Variants in KLHL29 observed in about 807,000 individuals in gnomAD.
KLHL29 encodes kelch-like protein 29.
In KLHL29, 21 loss-of-function variants were observed where a neutral mutation model predicts 80.4. The observed-to-expected ratio is 0.26, with a 90% CI of 0.19 to 0.38. The LOEUF (loss-of-function observed/expected upper bound fraction) is 0.38, where lower values mean the gene tolerates loss of function less well. Among genes scored for constraint, KLHL29 ranks in the 10% least tolerant of loss-of-function variants. The pLI, the probability that KLHL29 is intolerant of heterozygous loss-of-function variation, is 1.00. For missense variants in KLHL29, 867 were observed against 1,223.9 expected (o/e 0.71, Z 4.35); for synonymous variants, 511 against 526.8 (o/e 0.97, Z 0.41).
intron 1 of KLHL29, among the ~76,000 whole-genome samples, chr2:23,471,392 G>A (rs368202954): frequency 6.6e-6 from 1 of 152,200 alleles, no homozygotes; most frequent in South Asian, 2.1e-4. Flanking sequence ...CATCAGTTTG[G>A]TTCATGTTAG....
chr2:23,492,821 C>T (rs1248357585), intron 2 of KLHL29, among the ~76,000 whole-genome samples: 1 of 152,170 alleles, frequency 6.6e-6, no homozygotes, highest in Non-Finnish European at 1.5e-5. Context: ...CCCGAACCTC[C>T]TCTTTTTTTT....
rs550576439 is a variant in KLHL29, at chr2:23,385,448, AGCC to A, written c.-467_-465del. 51 of 161,324 alleles carry A rather than the reference AGCC, an allele frequency of 3.2e-4. No individual in the cohort carries two copies. Among genetic ancestry groups the A allele is most frequent in the Middle Eastern group, 3.4e-3 (1 of 298 alleles). 10.0% of individuals were successfully genotyped at this position (161,324 alleles called of 1,614,324 possible). On this transcript the variant is annotated 5_prime_UTR_variant, in exon 1 of 14. Coordinates refer to ENST00000486442, the MANE Select transcript of KLHL29 (RefSeq NM_052920.2). ...GAGAGGGCGGGGGCGATGCTGCCGG[AGCC>A]GCCGCCGCCGCCGCCGCCTCGATGA...
intron 2 of KLHL29, among the ~76,000 whole-genome samples, chr2:23,502,813 C>T (rs960756706): frequency 4.6e-5 from 7 of 152,146 alleles, no homozygotes; most frequent in Non-Finnish European, 7.3e-5. Context: ...TCTCCAAGCA[C>T]CACGGACACT....
chr2:23,420,075 G>A (rs538939777), intron 1 of KLHL29, among the ~76,000 whole-genome samples: 16 of 152,284 alleles, frequency 1.1e-4, no homozygotes, highest in African/African-American at 3.1e-4. Context: ...TTGTGTGGCC[G>A]GCACGGGGGG....
intron 8 of KLHL29, among the ~76,000 whole-genome samples, chr2:23,694,154 G>A (rs1203684375): frequency 6.6e-6 from 1 of 152,210 alleles, no homozygotes; most frequent in Non-Finnish European, 1.5e-5. Context: ...TCTGCTCAGT[G>A]GCCTTCTGGG....
chr2:23,674,196 C>G (rs528209612), intron 5 of KLHL29, among the ~76,000 whole-genome samples: 1 of 152,340 alleles, frequency 6.6e-6, no homozygotes, highest in East Asian at 1.9e-4. Context: ...TGTGAGCTCC[C>G]CAGCTCTGCA....
chr2:23,613,785 A>AAAAAAAAAC (rs1558408724), intron 3 of KLHL29, among the ~76,000 whole-genome samples: 29 of 146,578 alleles, frequency 2.0e-4, no homozygotes, highest in African/African-American at 7.2e-4. Context: ...AAAAAAAAAA[A>AAAAAAAAAC]AAAAACCCAC....
At chr2:23,472,506 T>C (rs1220282350) in intron 1 of KLHL29, among the ~76,000 whole-genome samples, 3 of 152,212 alleles carry the variant, frequency 2.0e-5, no homozygotes, top group African/African-American at 7.2e-5. Context: ...TGGCGGCGTG[T>C]GCCTGTAGTC....
chr2:23,469,360 G>T (rs1408683007), intron 1 of KLHL29, among the ~76,000 whole-genome samples: 1 of 152,216 alleles, frequency 6.6e-6, no homozygotes, highest in Non-Finnish European at 1.5e-5. Context: ...CAGCTGGCCT[G>T]CCCGTCAGGG....
intron 3 of KLHL29, among the ~76,000 whole-genome samples, chr2:23,578,992 C>A (rs923543875): frequency 2.0e-5 from 3 of 152,254 alleles, no homozygotes; most frequent in Non-Finnish European, 4.4e-5. Flanking sequence ...ATCATCGCCT[C>A]TATCTGATGT....
In KLHL29 at chr2:23,562,835, C is replaced by T. The variant is rs991868646; in HGVS notation, c.285+354C>T. Among the ~76,000 whole-genome samples, 4 of 152,122 alleles carry T rather than the reference C, an allele frequency of 2.6e-5. No homozygotes were observed. Among genetic ancestry groups the T allele is most frequent in the Non-Finnish European group, 5.9e-5 (4 of 68,032 alleles). On this transcript the variant is annotated intron_variant, in intron 3 of 13. Transcript: ENST00000486442. The surrounding 1 kb of genome is among the most constrained non-coding windows in gnomAD (Gnocchi z 4.5). ...AGATAAATTGAGACCATGCAAGCAT[C>T]CCTGGGGGTGCCAGTAACTTGGGTG...
intron 5 of KLHL29, among the ~76,000 whole-genome samples, chr2:23,650,239 A>G (rs541526192): frequency 7.9e-5 from 12 of 152,200 alleles, no homozygotes; most frequent in Non-Finnish European, 1.5e-4. Context: ...GCCTGCAGGA[A>G]AGTTAAGGGG....
intron 6 of KLHL29, among the ~76,000 whole-genome samples, chr2:23,686,469 G>A (rs1671264092): frequency 6.6e-6 from 1 of 152,130 alleles, no homozygotes; most frequent in Non-Finnish European, 1.5e-5. Context: ...CAGGAAATTG[G>A]TTCAAGTGAT....
At chr2:23,521,777 G>T (rs910110351) in intron 2 of KLHL29, among the ~76,000 whole-genome samples, 1 of 152,210 alleles carries the variant, frequency 6.6e-6, no homozygotes, top group African/African-American at 2.4e-5. Flanking sequence ...AGGACGTAAG[G>T]CTCTGTTGAA....
intron 3 of KLHL29, among the ~76,000 whole-genome samples, chr2:23,575,373 C>T (rs1372751807): frequency 6.6e-6 from 1 of 152,224 alleles, no homozygotes; most frequent in Non-Finnish European, 1.5e-5. Context: ...TACACTTTAA[C>T]CCTGTGCAGT....
chr2:23,595,234 G>A (rs1186690886), intron 3 of KLHL29, among the ~76,000 whole-genome samples: 4 of 152,102 alleles, frequency 2.6e-5, no homozygotes, highest in Non-Finnish European at 5.9e-5. Context: ...GAAAGGAGAG[G>A]GGAAGGAACC....
intron 3 of KLHL29, among the ~76,000 whole-genome samples, chr2:23,633,072 A>G (rs971305075): frequency 1.3e-5 from 2 of 152,220 alleles, no homozygotes; most frequent in African/African-American, 4.8e-5. Context: ...ACCCAGGGCC[A>G]GGCAGGTGGG....
At chr2:23,591,755 A>G (rs1348901577) in intron 3 of KLHL29, among the ~76,000 whole-genome samples, 5 of 151,986 alleles carry the variant, frequency 3.3e-5, no homozygotes, top group Non-Finnish European at 7.4e-5. Flanking sequence ...AGAGACCCCC[A>G]TCCACAATCA....
intron 1 of KLHL29, among the ~76,000 whole-genome samples, chr2:23,413,077 C>T (rs1442977689): frequency 6.6e-6 from 1 of 152,150 alleles, no homozygotes; most frequent in South Asian, 2.1e-4. Context: ...TCTATTTCAT[C>T]CGGTGGAAAG....
Sources: gnomAD v4.1 joint callset for allele counts (sites outside exome capture counted in the v4.1 genomes callset) on GRCh38, gnomAD v4.1.1 for gene constraint, Gnocchi (gnomAD v3.1) non-coding constraint, MANE v1.5 for transcripts, NCBI Gene and HGNC (gene_info 2026-07-23, HGNC 2026-07-21) for gene names.